Variants in GPC5 observed in about 807,000 individuals in gnomAD.
GPC5 encodes the protein glypican 5.
Under a neutral mutation model 53.9 loss-of-function variants are expected in GPC5, and 47 were observed. The observed-to-expected ratio is 0.87, with a 90% CI of 0.69 to 1.11. GPC5 has a LOEUF of 1.11. GPC5 is among the 50% of genes most tolerant of loss of function. The probability of loss-of-function intolerance (pLI) is 0.00; values close to 1 mark genes in which losing one functional copy is unlikely to be tolerated. For missense variants in GPC5, 748 were observed against 713.1 expected, an observed-to-expected ratio of 1.05 and a Z score of -0.56; for synonymous variants, 286 against 263.3, an observed-to-expected ratio of 1.09 and a Z score of -0.84.
chr13:92,853,292 G>C (rs551027242), intron 7 of GPC5, among the ~76,000 whole-genome samples: 2 of 151,960 alleles, frequency 1.3e-5, no homozygotes, highest in East Asian at 3.9e-4. Flanking sequence ...TTTTCAGAGA[G>C]AGAGAGTCTA....
At chr13:92,168,731 G>A (rs1490366894) in intron 7 of GPC5, among the ~76,000 whole-genome samples, 1 of 152,174 alleles carries the variant, frequency 6.6e-6, no homozygotes, top group Non-Finnish European at 1.5e-5. Flanking sequence ...TACACTGTTG[G>A]TGGCAAGGTA....
intron 2 of GPC5, among the ~76,000 whole-genome samples, chr13:91,637,992 A>G (rs2034325308): frequency 6.6e-6 from 1 of 152,246 alleles, no homozygotes; most frequent in African/African-American, 2.4e-5. Context: ...TTATGCCTGA[A>G]TAGAGGATAG....
intron 7 of GPC5, among the ~76,000 whole-genome samples, chr13:92,607,678 G>T (rs1240671478): frequency 2.6e-5 from 4 of 152,044 alleles, no homozygotes; most frequent in Non-Finnish European, 5.9e-5. Flanking sequence ...TATATATTTT[G>T]TACATTATGT....
In GPC5 at chr13:92,144,944, G is replaced by A. The variant is rs2041856250; in HGVS notation, c.1516G>A (p.Gly506Arg). 6.3e-7 allele frequency: 1 copy of A among 1,577,406 alleles called. No individual in the cohort carries two copies. The change falls in exon 7 of 8, where the codon GGA becomes AGA. Residue 506 changes from glycine (G) to arginine (R), a missense_variant. Gly to Arg is a moderately radical substitution (Grantham distance 125). Transcript: ENST00000377067. ...GDCDDEDGCG[G>R]SGSGEVKRTL... ...CTGTGATGATGAAGATGGTTGCGGG[G>A]GATCAGGAAGTGGAGAAGTCAAGAG...
intron 6 of GPC5, among the ~76,000 whole-genome samples, chr13:91,965,029 A>C (rs1566367259): frequency 7.1e-6 from 1 of 141,666 alleles, no homozygotes; most frequent in Non-Finnish European, 1.5e-5. Flanking sequence ...TGGGAATTGA[A>C]CAATGAGAAC....
chr13:91,700,168 G>T (rs61501193), intron 3 of GPC5, among the ~76,000 whole-genome samples: 3,058 of 152,206 alleles, frequency 0.02, 102 homozygotes, highest in African/African-American at 0.069. Flanking sequence ...GTGGAGTGGT[G>T]ATAGTGGTGA....
At chr13:92,678,563 A>T (rs1887019481) in intron 7 of GPC5, among the ~76,000 whole-genome samples, 1 of 152,210 alleles carries the variant, frequency 6.6e-6, no homozygotes, top group African/African-American at 2.4e-5. Flanking sequence ...TGTTTAAGGG[A>T]CAGCAAATAG....
chr13:92,442,861 C>T (rs1339203045), intron 7 of GPC5, among the ~76,000 whole-genome samples: 1 of 152,130 alleles, frequency 6.6e-6, no homozygotes, highest in Non-Finnish European at 1.5e-5. Flanking sequence ...TTTTTTTTCT[C>T]ACATTTGTTC....
At chr13:92,173,345 C>T (rs1240490241) in intron 7 of GPC5, among the ~76,000 whole-genome samples, 1 of 152,154 alleles carries the variant, frequency 6.6e-6, no homozygotes, top group African/African-American at 2.4e-5. Context: ...TGAAGTCCTT[C>T]ATGTTGACTG....
chr13:92,859,892 T>G (rs1375750651), intron 7 of GPC5, among the ~76,000 whole-genome samples: 1 of 152,114 alleles, frequency 6.6e-6, no homozygotes, highest in African/African-American at 2.4e-5. Flanking sequence ...TGGGTGACCA[T>G]TATTGGATGA....
intron 6 of GPC5, among the ~76,000 whole-genome samples, chr13:92,098,922 T>C (rs1471213231): frequency 6.6e-6 from 1 of 151,544 alleles, no homozygotes; most frequent in Non-Finnish European, 1.5e-5. Flanking sequence ...GGTAACTTGT[T>C]ATAGCAGAAA....
chr13:92,402,157 C>T (rs1291013540), intron 7 of GPC5, among the ~76,000 whole-genome samples: 3 of 152,036 alleles, frequency 2.0e-5, no homozygotes, highest in African/African-American at 7.2e-5. Flanking sequence ...TGACTCTAGC[C>T]AGAATTTAAA....
intron 5 of GPC5, among the ~76,000 whole-genome samples, chr13:91,792,477 G>A (rs1433516457): frequency 1.3e-5 from 2 of 152,140 alleles, no homozygotes. Context: ...TACTGATAGG[G>A]CATTCATTAT....
At chr13:91,732,790 A>C (rs1221877245) in intron 4 of GPC5, among the ~76,000 whole-genome samples, 1 of 152,122 alleles carries the variant, frequency 6.6e-6, no homozygotes, top group Non-Finnish European at 1.5e-5. Context: ...TCCTTTTCCC[A>C]TTGCTTGTTT....
chr13:92,068,160 C>A (rs1367412661), intron 6 of GPC5, among the ~76,000 whole-genome samples: 10 of 151,714 alleles, frequency 6.6e-5, no homozygotes, highest in Admixed American at 6.6e-4. Context: ...GTAGATTGAA[C>A]CTTGTTGTTG....
chr13:92,657,119 G>C (rs1397751792), intron 7 of GPC5, among the ~76,000 whole-genome samples: 1 of 152,176 alleles, frequency 6.6e-6, no homozygotes, highest in African/African-American at 2.4e-5. Flanking sequence ...GCTCTCATTA[G>C]ATGGTGAATA....
chr13:91,964,984 C>T (rs1314050405), intron 6 of GPC5, among the ~76,000 whole-genome samples: 1 of 149,706 alleles, frequency 6.7e-6, no homozygotes, highest in Non-Finnish European at 1.5e-5. Context: ...ATTGCAAAGA[C>T]AGAAAACCAA....
Position 92,438,252 on chromosome 13 carries a change from C to T in GPC5, c.1561+293263C>T, listed in dbSNP as rs553465011. On this transcript the variant is annotated intron_variant, in intron 7 of 7. Transcript: ENST00000377067. ...TGAACACATAAATGGAGAACCAACC[C>T]AATCTACAATGTTGGGTAAGTGTTC... 2.0e-5 allele frequency among the ~76,000 whole-genome samples: 3 copies of T among 152,014 alleles called. No homozygotes were observed. In the South Asian group the frequency reaches 6.2e-4, roughly 32 times the overall value.
At position 91,926,359 on chromosome 13, in the gene GPC5, TAA is replaced by T. The variant is rs34690525; in HGVS notation, c.1401+18323_1401+18324del. 1.7e-3 allele frequency among the ~76,000 whole-genome samples: 165 copies of T among 96,292 alleles called. No homozygotes were observed. In the Middle Eastern group the frequency reaches 0.023, roughly 13 times the overall value. The allele number at this position is 96,292 out of a possible 152,430, so 63.2% of individuals were successfully genotyped here. A position where few individuals can be genotyped will look rare whatever the true frequency, so the allele number is the denominator to read the frequency against. On this transcript the variant is annotated intron_variant, in intron 6 of 7. Coordinates refer to ENST00000377067, the MANE Select transcript of GPC5 (RefSeq NM_004466.6). ...CTGGGTGACAGAGTGAGACTCCACC[TAA>T]AAAAAAAAAAAAAAAAAAAATCTAT...
Sources: allele counts gnomAD v4.1 joint callset (sites outside exome capture counted in the v4.1 genomes callset), GRCh38; gene constraint gnomAD v4.1.1; transcripts MANE v1.5; gene names NCBI Gene and HGNC (gene_info 2026-07-23, HGNC 2026-07-21).